Variants in C5orf52 observed in about 807,000 individuals in gnomAD.
The protein encoded by C5orf52 is chromosome 5 open reading frame 52.
A neutral mutation model predicts 16.8 loss-of-function variants in C5orf52; 15 were observed. The observed-to-expected ratio is 0.89, with a 90% CI of 0.60 to 1.38. C5orf52 has a LOEUF of 1.38. Among genes scored for constraint, C5orf52 ranks in the 40% most tolerant of loss-of-function variants. The pLI is 0.00. For synonymous variants in C5orf52, 83 were observed against 87.2 expected (o/e 0.95, Z 0.27); for missense variants, 206 against 213.1 (o/e 0.97, Z 0.21).
intron 1 of C5orf52, among the ~76,000 whole-genome samples, chr5:157,673,952 A>G (rs1000146346): frequency 1.3e-5 from 2 of 152,202 alleles, no homozygotes; most frequent in African/African-American, 4.8e-5. Context: ...GGTCCTGAAC[A>G]ATTATTTTTA....
chr5:157,672,336 A>G (rs1016974814), intron 1 of C5orf52, among the ~76,000 whole-genome samples: 23 of 151,736 alleles, frequency 1.5e-4, no homozygotes, highest in African/African-American at 1.7e-4. Flanking sequence ...TTTCCATTCC[A>G]CAAACCCCCC....
At chr5:157,673,069 GGC>G (rs1759827036) in intron 1 of C5orf52, among the ~76,000 whole-genome samples, 1 of 151,884 alleles carries the variant, frequency 6.6e-6, no homozygotes, top group Non-Finnish European at 1.5e-5. Context: ...CAGGTGCAGT[GGC>G]TCATGCCTGT....
chr5:157,672,064 A>G (rs1241090616), intron 1 of C5orf52, among the ~76,000 whole-genome samples: 1 of 148,350 alleles, frequency 6.7e-6, no homozygotes, highest in Non-Finnish European at 1.5e-5. Flanking sequence ...CTCCACTGAC[A>G]TTTTCTCAGA....
chr5:157,672,508 T>C (rs1259836438), intron 1 of C5orf52, among the ~76,000 whole-genome samples: 5 of 151,818 alleles, frequency 3.3e-5, no homozygotes, highest in Non-Finnish European at 7.4e-5. Context: ...GGGTGAAGAG[T>C]TTTATGTGTC....
chr5:157,672,531 A>G (rs1759815422), intron 1 of C5orf52, among the ~76,000 whole-genome samples: 2 of 151,996 alleles, frequency 1.3e-5, no homozygotes, highest in African/African-American at 2.4e-5. Flanking sequence ...TAAATGTTTT[A>G]GGGATTTTTT....
chr5:157,671,729 C>A lies in C5orf52; in HGVS notation c.115C>A (p.Arg39Ser). 2 of 1,551,288 alleles carry A rather than the reference C, an allele frequency of 1.3e-6. No homozygotes were observed. Among genetic ancestry groups the A allele is most frequent in the Middle Eastern group, 1.7e-4 (1 of 5,992 alleles). Residue 39 changes from arginine to serine, a missense_variant, in exon 1 of 3, where the codon CGC becomes AGC. Arg to Ser is a moderately radical substitution (Grantham distance 110, BLOSUM62 -1). Coordinates refer to ENST00000409999, the MANE Select transcript of C5orf52 (RefSeq NM_001145132.2). Reference protein sequence around the residue: ...SSATSGSNYQRDRLGRRPEIG... With the variant: ...SSATSGSNYQSDRLGRRPEIG... Reference sequence around the variant, plus strand: ...CGCCACCTCGGGTTCGAACTACCAGCGCGATAGACTCGGCCGCCGCCCAGA... The same window carrying A: ...CGCCACCTCGGGTTCGAACTACCAGAGCGATAGACTCGGCCGCCGCCCAGA...
At chr5:157,673,802 G>A (rs761573948) in intron 1 of C5orf52, among the ~76,000 whole-genome samples, 19 of 151,934 alleles carry the variant, frequency 1.3e-4, no homozygotes, top group Non-Finnish European at 2.6e-4. Flanking sequence ...TCACCACCAC[G>A]CCCAGCTAAT....
At chr5:157,671,124 C>G (rs962063411), upstream of C5orf52, among the ~76,000 whole-genome samples, 2 of 152,190 alleles carry the variant, frequency 1.3e-5, no homozygotes, top group Non-Finnish European at 2.9e-5. Context: ...AGTCTTGATC[C>G]TGGAGCCTCA....
intron 2 of C5orf52, among the ~76,000 whole-genome samples, chr5:157,675,610 C>G (rs1433163420): frequency 2.0e-5 from 3 of 152,086 alleles, no homozygotes; most frequent in Non-Finnish European, 2.9e-5. Flanking sequence ...TCGAGACCAG[C>G]CTGGCCAATA....
chr5:157,675,818 C>T (rs1759883077), intron 2 of C5orf52, among the ~76,000 whole-genome samples: 2 of 152,172 alleles, frequency 1.3e-5, no homozygotes, highest in South Asian at 4.1e-4. Context: ...TCCCCATTTT[C>T]CAGATGAGAG....
At chr5:157,675,753 C>T (rs369390757) in intron 2 of C5orf52, among the ~76,000 whole-genome samples, 84 of 152,286 alleles carry the variant, frequency 5.5e-4, no homozygotes, top group African/African-American at 1.9e-3. Context: ...GTCTTGGGTC[C>T]TAGAGTTTGA....
At position 157,671,715 on chromosome 5, in the gene C5orf52, G is replaced by T. The variant is rs1220739632; in HGVS notation, c.101G>T (p.Gly34Val). The change falls in exon 1 of 3, where the codon GGT (glycine) becomes GTT (valine). Residue 34 changes from glycine (G) to valine (V), a missense_variant. Gly to Val is a moderately radical substitution (Grantham distance 109). Coordinates refer to ENST00000409999, the MANE Select transcript of C5orf52 (RefSeq NM_001145132.2). ...QATTSSSATS[G>V]SNYQRDRLGR... is the part of the protein sequence containing the mutation. The stretch of plus-strand genomic sequence containing the variant: ...ACCACCAGTTCCAGCGCCACCTCGG[G>T]TTCGAACTACCAGCGCGATAGACTC... 2 of 1,551,332 alleles carry T rather than the reference G, an allele frequency of 1.3e-6. No homozygotes were observed. Among genetic ancestry groups the T allele is most frequent in the Admixed American group, 3.9e-5 (2 of 51,004 alleles).
At chr5:157,678,129 A>G (rs1190539874) in intron 2 of C5orf52, among the ~76,000 whole-genome samples, 1 of 152,248 alleles carries the variant, frequency 6.6e-6, no homozygotes, top group Non-Finnish European at 1.5e-5. Flanking sequence ...CTTGGGGCCT[A>G]CGTTTCTATC....
chr5:157,672,341 C>T (rs897624752), intron 1 of C5orf52, among the ~76,000 whole-genome samples: 1 of 152,118 alleles, frequency 6.6e-6, no homozygotes, highest in Non-Finnish European at 1.5e-5. Context: ...ATTCCACAAA[C>T]CCCCCTCACT....
At chr5:157,679,246 T>A (rs74321142) in intron 2 of C5orf52, among the ~76,000 whole-genome samples, 13,756 of 152,166 alleles carry the variant, frequency 0.09, 729 homozygotes, top group Middle Eastern at 0.15. Context: ...TGTAGCTAGC[T>A]CATTGGAGTA....
Position 157,671,744 on chromosome 5 carries a change from C to T in C5orf52, c.130C>T (p.Arg44Cys), listed in dbSNP as rs1247794842. 3.2e-6 allele frequency: 5 copies of T among 1,551,196 alleles called. No homozygotes were observed. The highest frequency in any genetic ancestry group is 3.5e-6 in the Non-Finnish European group (4 of 1,146,816). ...GAACTACCAGCGCGATAGACTCGGC[C>T]GCCGCCCAGAAATCGGCGTAGGGGG... The part of the protein sequence containing the change: ...GSNYQRDRLG[R>C]RPEIGVGGQP... Residue 44 changes from arginine to cysteine, a missense_variant, in exon 1 of 3, where the codon CGC becomes TGC. Coordinates refer to ENST00000409999, the MANE Select transcript of C5orf52 (RefSeq NM_001145132.2).
At chr5:157,674,281 T>G (rs1211900380) in intron 1 of C5orf52, among the ~76,000 whole-genome samples, 1 of 152,102 alleles carries the variant, frequency 6.6e-6, no homozygotes, top group Non-Finnish European at 1.5e-5. Context: ...TTCATTTGCA[T>G]TTCTCCCTGC....
chr5:157,679,749 A>T, intron 2 of C5orf52, 92 bp from the exon 3 acceptor site: 1 of 1,235,108 alleles, frequency 8.1e-7, no homozygotes, highest in East Asian at 2.6e-5. Flanking sequence ...CCACTCCCCC[A>T]TCAGTAGCAC....
intron 1 of C5orf52, 59 bp downstream of exon 1, chr5:157,671,885 C>T (rs1759800653): frequency 8.7e-7 from 1 of 1,148,190 alleles, no homozygotes; most frequent in Non-Finnish European, 1.2e-6. Flanking sequence ...GGAACCCTAA[C>T]TCTTTGGGAC....
Sources: allele counts gnomAD v4.1 joint callset (sites outside exome capture counted in the v4.1 genomes callset), GRCh38; gene constraint gnomAD v4.1.1; transcripts MANE v1.5; gene names NCBI Gene and HGNC (gene_info 2026-07-23, HGNC 2026-07-21).